The following DACH2 variants were observed in gnomAD, a reference collection of about 807,000 sequenced individuals.
DACH2 encodes dachshund family transcription factor 2.
Under a neutral mutation model 35.8 loss-of-function variants are expected in DACH2, and 17 were observed. The observed-to-expected ratio is 0.48, with a 90% CI of 0.33 to 0.71. DACH2 has a LOEUF of 0.71. DACH2 is among the 30% of genes least tolerant of loss of function. The probability of loss-of-function intolerance (pLI) is 0.02; values close to 1 mark genes in which losing one functional copy is unlikely to be tolerated. For synonymous variants in DACH2, 195 were observed against 177.3 expected, an observed-to-expected ratio of 1.10 and a Z score of -0.79; for missense variants, 469 against 472.7, an observed-to-expected ratio of 0.99 and a Z score of 0.07.
chrX:86,163,318 G>T (rs173363), intron 1 of DACH2, among the ~76,000 whole-genome samples: 7,363 of 110,895 alleles, frequency 0.066, 574 homozygotes, highest in African/African-American at 0.23. Flanking sequence ...CCTGTGCCTG[G>T]ATTATTTCAC....
chrX:86,596,047 A>G (rs762654862), intron 3 of DACH2, among the ~76,000 whole-genome samples: 25 of 111,684 alleles, frequency 2.2e-4, no homozygotes, highest in African/African-American at 7.4e-4. Context: ...CTTTCATATA[A>G]CATAATGTTT....
intron 1 of DACH2, among the ~76,000 whole-genome samples, chrX:86,180,175 CGTATATATATATATATATAT>C (rs2031433853): frequency 6.4e-5 from 1 of 15,596 alleles, no homozygotes; most frequent in Admixed American, 8.6e-4. Flanking sequence ...CATGCTAAAC[CGTATATATATATATATATAT>C]ATATATATAT....
chrX:86,623,378 AT>A (rs936791552), intron 3 of DACH2, among the ~76,000 whole-genome samples: 2 of 112,020 alleles, frequency 1.8e-5, no homozygotes, highest in African/African-American at 6.5e-5. Context: ...CAAAACAGGG[AT>A]AAAAGCATTT....
intron 3 of DACH2, among the ~76,000 whole-genome samples, chrX:86,550,643 A>G (rs2039036392): frequency 9.0e-6 from 1 of 111,278 alleles, no homozygotes; most frequent in Admixed American, 9.6e-5. Flanking sequence ...CTGCACCCAG[A>G]GATTTTTATG....
chrX:86,488,940 G>T (rs775158977), intron 2 of DACH2, among the ~76,000 whole-genome samples: 125 of 111,084 alleles, frequency 1.1e-3, no homozygotes, highest in African/African-American at 3.9e-3. Context: ...CGATACAGAA[G>T]TGTGACTAGT....
At chrX:86,422,162 C>T (rs1335992493) in intron 2 of DACH2, among the ~76,000 whole-genome samples, 3 of 110,201 alleles carry the variant, frequency 2.7e-5, no homozygotes, top group South Asian at 3.8e-4. Context: ...TTTAAGTTAG[C>T]GCAGAACAGA....
intron 3 of DACH2, among the ~76,000 whole-genome samples, chrX:86,521,470 T>C (rs1295316046): frequency 3.6e-5 from 4 of 111,955 alleles, no homozygotes; most frequent in African/African-American, 1.3e-4. Context: ...GAAGTCTTCA[T>C]GGATGACATT....
intron 3 of DACH2, among the ~76,000 whole-genome samples, chrX:86,593,563 A>T (rs1414220678): frequency 9.2e-6 from 1 of 109,112 alleles, no homozygotes; most frequent in African/African-American, 3.4e-5. Context: ...AGTAGCTGGG[A>T]TTACAGGCTC....
chrX:86,760,850 C>T (rs1216616292), intron 7 of DACH2, among the ~76,000 whole-genome samples: 1 of 109,042 alleles, frequency 9.2e-6, no homozygotes, highest in African/African-American at 3.3e-5. Context: ...TTGTTTCTTC[C>T]AATTTTTTGC....
chrX:86,542,716 C>T (rs1156287172), intron 3 of DACH2, among the ~76,000 whole-genome samples: 1 of 112,058 alleles, frequency 8.9e-6, no homozygotes. Context: ...CACTCAATAA[C>T]ACAGATAATA....
intron 1 of DACH2, among the ~76,000 whole-genome samples, chrX:86,231,634 G>A (rs1469223886): frequency 8.9e-6 from 1 of 112,006 alleles, no homozygotes; most frequent in Admixed American, 9.4e-5. Context: ...GTGGAGGGCA[G>A]GCTTAAAAAC....
At chrX:86,162,881 A>G (rs1487305745) in intron 1 of DACH2, among the ~76,000 whole-genome samples, 1 of 110,830 alleles carries the variant, frequency 9.0e-6, no homozygotes, top group African/African-American at 3.3e-5. Flanking sequence ...TTTTTTAGGT[A>G]AAAGTTTATT....
At chrX:86,715,365 C>A (rs1396090954) in intron 6 of DACH2, among the ~76,000 whole-genome samples, 1 of 111,510 alleles carries the variant, frequency 9.0e-6, no homozygotes, top group Non-Finnish European at 1.9e-5. Context: ...AGTTTATGGG[C>A]ATTGGATAAT....
At chrX:86,649,810 A>G (rs1426982773) in intron 3 of DACH2, among the ~76,000 whole-genome samples, 1 of 111,244 alleles carries the variant, frequency 9.0e-6, no homozygotes, top group Non-Finnish European at 1.9e-5. Context: ...GATTCACCTT[A>G]CCTCTTAGAA....
chrX:86,291,473 T>C (rs1183703505), intron 1 of DACH2, among the ~76,000 whole-genome samples: 2 of 102,781 alleles, frequency 1.9e-5, no homozygotes, highest in Admixed American at 1.1e-4. Flanking sequence ...TGAATAGGAG[T>C]GGTGAGAGAG....
At position 86,396,158 on chromosome X, in the gene DACH2, A is replaced by C. The variant is rs747982522; in HGVS notation, c.527+19296A>C. On this transcript the variant is annotated intron_variant, in intron 2 of 11. Coordinates refer to ENST00000373125, the MANE Select transcript of DACH2 (RefSeq NM_053281.3). The stretch of plus-strand genomic sequence containing the variant: ...GGCCAGTGATGATGAGGATTTTTTC[A>C]TGTGTTTTTTGGCTGCATAAATGTC... Among the ~76,000 whole-genome samples, 505 of 111,608 alleles carry C rather than the reference A, an allele frequency of 4.5e-3. 2 individuals are homozygous for C. The highest frequency in any genetic ancestry group is 0.016 in the African/African-American group (489 of 30,646).
At chrX:86,199,231 A>C (rs1489999758) in intron 1 of DACH2, among the ~76,000 whole-genome samples, 1 of 111,514 alleles carries the variant, frequency 9.0e-6, no homozygotes, top group African/African-American at 3.3e-5. Flanking sequence ...CATGTTACAA[A>C]CTCTCAAAAA....
intron 1 of DACH2, among the ~76,000 whole-genome samples, chrX:86,268,041 G>A (rs1263873057): frequency 8.9e-6 from 1 of 111,891 alleles, no homozygotes; most frequent in Non-Finnish European, 1.9e-5. Flanking sequence ...AGCAGTAGAT[G>A]AGAAAAATTG....
At chrX:86,698,262 A>G (rs758632203) in intron 5 of DACH2, among the ~76,000 whole-genome samples, 1 of 109,118 alleles carries the variant, frequency 9.2e-6, no homozygotes, top group South Asian at 3.9e-4. Context: ...AAACCCCACA[A>G]ACCTAGAATT....
Sources: allele counts gnomAD v4.1 joint callset (sites outside exome capture counted in the v4.1 genomes callset), GRCh38; gene constraint gnomAD v4.1.1; transcripts MANE v1.5; gene names NCBI Gene and HGNC (gene_info 2026-07-23, HGNC 2026-07-21).